The following CSMD3 variants were observed in gnomAD, a reference collection of about 807,000 sequenced individuals.
The protein encoded by CSMD3 is CUB and Sushi multiple domains 3, also known as CUB and sushi domain-containing protein 3.
CSMD3 carries 177 observed loss-of-function variants against 435.2 expected under a neutral mutation model. The observed-to-expected ratio is 0.41, with a 90% CI of 0.36 to 0.46. The LOEUF is 0.46. CSMD3 is among the 20% of genes least tolerant of loss of function. The probability of loss-of-function intolerance (pLI) is 0.34; values close to 1 mark genes in which losing one functional copy is unlikely to be tolerated. For synonymous variants in CSMD3, 1,656 were observed against 1,520.5 expected, an observed-to-expected ratio of 1.09 and a Z score of -2.07; for missense variants, 4,265 against 4,504.6, an observed-to-expected ratio of 0.95 and a Z score of 1.52.
intron 1 of CSMD3, among the ~76,000 whole-genome samples, chr8:113,355,749 T>TACACACACAC (rs1554618938): frequency 1.3e-3 from 108 of 81,318 alleles, no homozygotes; most frequent in African/African-American, 5.6e-3. Flanking sequence ...TATATATATA[T>TACACACACAC]ACACACACAC....
chr8:113,306,612 G>T (rs1471800844), intron 2 of CSMD3, among the ~76,000 whole-genome samples: 1 of 152,150 alleles, frequency 6.6e-6, no homozygotes, highest in Non-Finnish European at 1.5e-5. Flanking sequence ...AGTGAGGAAA[G>T]ATTTTAATTG....
chr8:113,193,295 A>C (rs367700800), intron 3 of CSMD3, among the ~76,000 whole-genome samples: 2 of 151,498 alleles, frequency 1.3e-5, no homozygotes. Flanking sequence ...AAATGGGAAG[A>C]TGCCTAGTTG....
intron 27 of CSMD3, among the ~76,000 whole-genome samples, chr8:112,518,700 T>C (rs889462485): frequency 1.3e-5 from 2 of 151,466 alleles, no homozygotes; most frequent in African/African-American, 4.9e-5. Context: ...TCTGGAATGG[T>C]TTCTACCCAA....
intron 63 of CSMD3, among the ~76,000 whole-genome samples, chr8:112,248,688 C>A (rs1814985025): frequency 6.6e-6 from 1 of 152,070 alleles, no homozygotes; most frequent in African/African-American, 2.4e-5. Context: ...AATTTGATAC[C>A]AAGATTCCAT....
chr8:112,426,447 C>T (rs1177173015), intron 32 of CSMD3, among the ~76,000 whole-genome samples: 5 of 152,102 alleles, frequency 3.3e-5, no homozygotes, highest in African/African-American at 1.2e-4. Flanking sequence ...TGCCTGGCCA[C>T]TCTGTGACTC....
chr8:113,360,427 TTTTG>T (rs1211472083), intron 1 of CSMD3, among the ~76,000 whole-genome samples: 1 of 152,184 alleles, frequency 6.6e-6, no homozygotes, highest in Non-Finnish European at 1.5e-5. Context: ...CATTGATTTA[TTTTG>T]TTTATCTCAT....
rs1283966347 is a variant in CSMD3, at chr8:113,230,126, T to TAGA, written c.514+48465_514+48466insTCT. On this transcript the variant is annotated intron_variant, in intron 3 of 70. Coordinates refer to ENST00000297405, the MANE Select transcript of CSMD3 (RefSeq NM_198123.2). ...TACTTTGGTTTCTGATGTTTTAAGT[T>TAGA]AATACATGGATAGAAATTAAGGACT... Among the ~76,000 whole-genome samples, 993 of 151,740 alleles carry TAGA rather than the reference T, an allele frequency of 6.5e-3. 11 individuals are homozygous for TAGA. Among genetic ancestry groups the TAGA allele is most frequent in the African/African-American group, 0.022 (894 of 41,488 alleles).
At chr8:112,446,903 G>T (rs1815669406) in intron 32 of CSMD3, among the ~76,000 whole-genome samples, 1 of 152,056 alleles carries the variant, frequency 6.6e-6, no homozygotes, top group Non-Finnish European at 1.5e-5. Flanking sequence ...TCATTTGGCT[G>T]CTACTTCTTC....
At chr8:112,500,891 G>A (rs1005292480) in intron 30 of CSMD3, among the ~76,000 whole-genome samples, 2 of 68,790 alleles carry the variant, frequency 2.9e-5, no homozygotes, top group Non-Finnish European at 5.9e-5. Flanking sequence ...GCCAGGCAAA[G>A]CCTCCTTTTG....
intron 26 of CSMD3, among the ~76,000 whole-genome samples, chr8:112,551,673 CTG>C (rs1346409969): frequency 6.6e-6 from 1 of 151,814 alleles, no homozygotes; most frequent in African/African-American, 2.4e-5. Flanking sequence ...GAAAAATAAA[CTG>C]GGGATGATAT....
intron 31 of CSMD3, among the ~76,000 whole-genome samples, chr8:112,491,239 T>G (rs1820656179): frequency 6.6e-6 from 1 of 152,116 alleles, no homozygotes. Flanking sequence ...TAGTAAAAAA[T>G]GCAATTTATA....
At chr8:113,117,146 T>C (rs2090854420) in intron 4 of CSMD3, among the ~76,000 whole-genome samples, 1 of 152,182 alleles carries the variant, frequency 6.6e-6, no homozygotes, top group South Asian at 2.1e-4. Flanking sequence ...GCATGTCAGA[T>C]GTCTTCACAA....
chr8:112,730,055 G>A (rs1387105104), intron 13 of CSMD3, among the ~76,000 whole-genome samples: 1 of 152,008 alleles, frequency 6.6e-6, no homozygotes, highest in Non-Finnish European at 1.5e-5. Flanking sequence ...GTGGAAAAGA[G>A]GATACTTGCT....
At chr8:113,372,864 G>T (rs2094355172) in intron 1 of CSMD3, among the ~76,000 whole-genome samples, 1 of 151,470 alleles carries the variant, frequency 6.6e-6, no homozygotes, top group African/African-American at 2.4e-5. Flanking sequence ...AACCCGGGAA[G>T]CGGAGCTTGC....
At chr8:113,075,841 C>T (rs545663839) in intron 5 of CSMD3, among the ~76,000 whole-genome samples, 48 of 151,750 alleles carry the variant, frequency 3.2e-4, no homozygotes, top group African/African-American at 1.1e-3. Flanking sequence ...TAATAATATA[C>T]TTAAAGAATG....
chr8:113,195,181 A>C (rs748943454), intron 3 of CSMD3, among the ~76,000 whole-genome samples: 55 of 148,958 alleles, frequency 3.7e-4, no homozygotes, highest in Non-Finnish European at 7.5e-4. Context: ...AACACTCACT[A>C]CTGAAAACGA....
intron 45 of CSMD3, among the ~76,000 whole-genome samples, chr8:112,330,455 C>T (rs1823928860): frequency 6.6e-6 from 1 of 151,950 alleles, no homozygotes; most frequent in African/African-American, 2.4e-5. Flanking sequence ...GCTTAAACAC[C>T]ATAAAATAAT....
chr8:112,577,357 T>C (rs1327812546), intron 23 of CSMD3, among the ~76,000 whole-genome samples: 2 of 152,080 alleles, frequency 1.3e-5, no homozygotes, highest in Non-Finnish European at 2.9e-5. Context: ...AAACAAAATA[T>C]GCCTTTTGTT....
At chr8:112,523,636 T>C (rs1205998272) in intron 27 of CSMD3, among the ~76,000 whole-genome samples, 1 of 151,956 alleles carries the variant, frequency 6.6e-6, no homozygotes, top group African/African-American at 2.4e-5. Flanking sequence ...GTGAGAAAAA[T>C]CTCATCCAGA....
Sources: gnomAD v4.1 joint callset for allele counts (sites outside exome capture counted in the v4.1 genomes callset) on GRCh38, gnomAD v4.1.1 for gene constraint, MANE v1.5 for transcripts, NCBI Gene and HGNC (gene_info 2026-07-23, HGNC 2026-07-21) for gene names.